BRINP3: variants seen among roughly 807,000 people sequenced by gnomAD.
BRINP3 encodes the protein BMP/retinoic acid inducible neural specific 3.
BRINP3 carries 19 observed loss-of-function variants against 71.0 expected under a neutral mutation model. The ratio of observed to expected loss-of-function variants is 0.27; its 90% CI spans 0.19 to 0.39. The LOEUF (loss-of-function observed/expected upper bound fraction) is 0.39, where lower values mean the gene tolerates loss of function less well. Among genes scored for constraint, BRINP3 ranks in the 10% least tolerant of loss-of-function variants. The pLI is 1.00. For synonymous variants in BRINP3, 380 were observed against 337.7 expected (o/e 1.13, Z -1.37); for missense variants, 959 against 940.8 (o/e 1.02, Z -0.25).
intron 7 of BRINP3, among the ~76,000 whole-genome samples, chr1:190,131,293 C>T (rs975879212): frequency 1.3e-5 from 2 of 151,578 alleles, no homozygotes; most frequent in African/African-American, 4.8e-5. Flanking sequence ...TGACAGTAAT[C>T]GACACTGGGT....
At chr1:190,197,388 G>T (rs1388169551) in intron 6 of BRINP3, among the ~76,000 whole-genome samples, 1 of 152,054 alleles carries the variant, frequency 6.6e-6, no homozygotes, top group Non-Finnish European at 1.5e-5. Flanking sequence ...ACTAATTTCA[G>T]CATGAACTCA....
At chr1:190,236,596 G>T (rs886216348) in intron 4 of BRINP3, among the ~76,000 whole-genome samples, 3 of 152,014 alleles carry the variant, frequency 2.0e-5, no homozygotes, top group Middle Eastern at 3.4e-3. Flanking sequence ...CATGGGCAAA[G>T]AATTACTTTT....
At chr1:190,257,127 C>A (rs1660734334) in intron 4 of BRINP3, among the ~76,000 whole-genome samples, 1 of 152,188 alleles carries the variant, frequency 6.6e-6, no homozygotes, top group African/African-American at 2.4e-5. Flanking sequence ...GTACACCAAT[C>A]AAACGTAGAT....
chr1:190,134,540 C>G (rs1198013817), intron 7 of BRINP3, among the ~76,000 whole-genome samples: 2 of 152,042 alleles, frequency 1.3e-5, no homozygotes, highest in Non-Finnish European at 2.9e-5. Context: ...GATGCTACAG[C>G]TATAGTTATA....
chr1:190,466,622 T>G (rs1558312198), intron 1 of BRINP3, among the ~76,000 whole-genome samples: 1 of 151,716 alleles, frequency 6.6e-6, no homozygotes, highest in Non-Finnish European at 1.5e-5. Context: ...CCGAGGAATG[T>G]GTGTTACAAA....
At chr1:190,378,653 A>G (rs1046596309) in intron 2 of BRINP3, among the ~76,000 whole-genome samples, 1 of 152,216 alleles carries the variant, frequency 6.6e-6, no homozygotes, top group African/African-American at 2.4e-5. Context: ...TTAGACATGA[A>G]GATAAAGAAA....
intron 4 of BRINP3, among the ~76,000 whole-genome samples, chr1:190,237,234 C>A (rs570283547): frequency 6.6e-6 from 1 of 151,796 alleles, no homozygotes; most frequent in African/African-American, 2.4e-5. Context: ...CAACTGAATT[C>A]ACTGATCACT....
chr1:190,473,994 A>G (rs1483930677), intron 1 of BRINP3, among the ~76,000 whole-genome samples: 2 of 152,256 alleles, frequency 1.3e-5, no homozygotes, highest in African/African-American at 4.8e-5. Flanking sequence ...TTGATAGTTC[A>G]AGAAACCCTT....
chr1:190,428,386 C>A (rs944336744), intron 2 of BRINP3, among the ~76,000 whole-genome samples: 5 of 151,796 alleles, frequency 3.3e-5, no homozygotes, highest in Admixed American at 2.6e-4. Flanking sequence ...AGGATGCCTT[C>A]TAGTTCTATC....
intron 2 of BRINP3, among the ~76,000 whole-genome samples, chr1:190,357,626 G>A (rs1571849048): frequency 1.3e-5 from 2 of 151,848 alleles, no homozygotes. Flanking sequence ...TTGTTCTTTT[G>A]GCTTAGGATT....
At chr1:190,247,981 T>C (rs1293509480) in intron 4 of BRINP3, among the ~76,000 whole-genome samples, 1 of 151,926 alleles carries the variant, frequency 6.6e-6, no homozygotes, top group Non-Finnish European at 1.5e-5. Flanking sequence ...TTGAGCCACA[T>C]GAGAATAAAA....
intron 2 of BRINP3, among the ~76,000 whole-genome samples, chr1:190,374,456 C>A (rs116740731): frequency 6.6e-6 from 1 of 151,884 alleles, no homozygotes; most frequent in Admixed American, 6.6e-5. Flanking sequence ...CAATTTAATT[C>A]GTCAAAAGAG....
chr1:190,397,266 T>G (rs1671641448), intron 2 of BRINP3, among the ~76,000 whole-genome samples: 1 of 152,050 alleles, frequency 6.6e-6, no homozygotes, highest in South Asian at 2.1e-4. Flanking sequence ...AGTTTCATGT[T>G]CTACTATCAC....
intron 2 of BRINP3, among the ~76,000 whole-genome samples, chr1:190,354,113 T>C (rs979631919): frequency 6.6e-6 from 1 of 152,002 alleles, no homozygotes; most frequent in Admixed American, 6.6e-5. Flanking sequence ...GTTTGAGTTC[T>C]CTGTGATGCT....
Position 190,477,607 on chromosome 1 carries a change from C to T in BRINP3, c.-210G>A, listed in dbSNP as rs1011792932. On this transcript the variant is annotated 5_prime_UTR_variant, in exon 1 of 8. Transcript: ENST00000367462. The stretch of plus-strand genomic sequence containing the variant: ...CTGGTGGCATGTAACCAAGTAAAAA[C>T]CAGTTACACAGAGAGCCACGAACCC... The T allele has an allele frequency of 1.3e-5, 2 of 151,888 alleles. No individual in the cohort carries two copies. The highest frequency in any genetic ancestry group is 4.8e-5 in the African/African-American group (2 of 41,292). The allele number at this position is 151,888 out of a possible 1,614,324, so 9.4% of individuals were successfully genotyped here. A position where few individuals can be genotyped will look rare whatever the true frequency, so the allele number is the denominator to read the frequency against.
intron 2 of BRINP3, chr1:190,342,281 A>G (rs1239992149): frequency 6.6e-6 from 1 of 151,028 alleles, no homozygotes; most frequent in Non-Finnish European, 1.5e-5. Context: ...AAGTTTACTA[A>G]GTAACCTAGC....
At chr1:190,316,619 C>T (rs1665899989) in intron 2 of BRINP3, among the ~76,000 whole-genome samples, 1 of 152,084 alleles carries the variant, frequency 6.6e-6, no homozygotes, top group South Asian at 2.1e-4. Flanking sequence ...TTATAATTTT[C>T]ACACATTCTG....
intron 1 of BRINP3, among the ~76,000 whole-genome samples, chr1:190,467,266 G>A (rs547834538): frequency 9.9e-5 from 15 of 151,578 alleles, no homozygotes; most frequent in African/African-American, 3.1e-4. Context: ...GCAAAAAACT[G>A]TAAGCATCTT....
chr1:190,289,857 T>C (rs1245105652), intron 2 of BRINP3, among the ~76,000 whole-genome samples: 1 of 152,062 alleles, frequency 6.6e-6, no homozygotes, highest in Non-Finnish European at 1.5e-5. Context: ...CGTGGCACAA[T>C]TTTCTTTTCC....
Sources: gnomAD v4.1 joint callset for allele counts (sites outside exome capture counted in the v4.1 genomes callset) on GRCh38, gnomAD v4.1.1 for gene constraint, MANE v1.5 for transcripts, NCBI Gene and HGNC (gene_info 2026-07-23, HGNC 2026-07-21) for gene names.